SCAI: variants seen among roughly 807,000 people sequenced by gnomAD.
The protein encoded by SCAI is suppressor of cancer cell invasion.
Under a neutral mutation model 92.2 loss-of-function variants are expected in SCAI, and 24 were observed. The ratio of observed to expected loss-of-function variants is 0.26; its 90% CI spans 0.19 to 0.37. The LOEUF (loss-of-function observed/expected upper bound fraction) is 0.37. Among genes scored for constraint, SCAI ranks in the 10% least tolerant of loss-of-function variants. The probability of loss-of-function intolerance (pLI) is 1.00; values close to 1 mark genes in which losing one functional copy is unlikely to be tolerated. For missense variants in SCAI, 450 were observed against 736.2 expected, an observed-to-expected ratio of 0.61 and a Z score of 4.50; for synonymous variants, 261 against 258.6, an observed-to-expected ratio of 1.01 and a Z score of -0.09.
chr9:124,968,193 G>T, intron 17 of SCAI: 2 of 699,108 alleles, frequency 2.9e-6, no homozygotes, highest in African/African-American at 1.8e-5. Flanking sequence ...AAGCAGGAAT[G>T]AAAAACAAAA....
chr9:124,985,866 T>TAAAAA (rs199869823), intron 14 of SCAI, among the ~76,000 whole-genome samples: 1 of 58,474 alleles, frequency 1.7e-5, no homozygotes, highest in Non-Finnish European at 3.7e-5. Flanking sequence ...TCTGTCTCAA[T>TAAAAA]AAAAAAAAAA....
intron 14 of SCAI, among the ~76,000 whole-genome samples, chr9:124,989,573 C>T (rs1467321967): frequency 6.6e-6 from 1 of 151,730 alleles, no homozygotes; most frequent in Non-Finnish European, 1.5e-5. Flanking sequence ...AAGAGTGAGA[C>T]TGCATCTCAA....
intron 2 of SCAI, among the ~76,000 whole-genome samples, chr9:125,102,814 T>A (rs1276090992): frequency 6.6e-6 from 1 of 152,072 alleles, no homozygotes; most frequent in African/African-American, 2.4e-5. Flanking sequence ...GCCAGGCTGG[T>A]CTTGAATGCT....
chr9:124,958,356 T>C (rs913622341), intron 17 of SCAI, among the ~76,000 whole-genome samples: 2 of 152,184 alleles, frequency 1.3e-5, no homozygotes, highest in Non-Finnish European at 2.9e-5. Flanking sequence ...GTAGTGTATT[T>C]GAGACAAATC....
intron 9 of SCAI, among the ~76,000 whole-genome samples, chr9:125,015,228 C>T (rs1832730371): frequency 6.6e-6 from 1 of 152,038 alleles, no homozygotes; most frequent in South Asian, 2.1e-4. Context: ...AAGAAACTAC[C>T]ATCAGAATGA....
chr9:124,957,631 A>G (rs1370711500), intron 17 of SCAI, among the ~76,000 whole-genome samples: 2 of 149,906 alleles, frequency 1.3e-5, no homozygotes, highest in Admixed American at 1.3e-4. Context: ...CTGCCTCCCA[A>G]AGTGCTGAGA....
intron 9 of SCAI, among the ~76,000 whole-genome samples, chr9:125,016,724 A>G (rs890170252): frequency 6.6e-6 from 1 of 152,200 alleles, no homozygotes; most frequent in Non-Finnish European, 1.5e-5. Flanking sequence ...AAATCCAGAA[A>G]GAAAATCTGA....
At chr9:124,968,649 G>T (rs1588122661) in intron 17 of SCAI, 1 of 1,046,520 alleles carries the variant, frequency 9.6e-7, no homozygotes, top group Non-Finnish European at 1.5e-6. Context: ...TTCATAGGTG[G>T]TCTCATCTAC....
intron 2 of SCAI, among the ~76,000 whole-genome samples, chr9:125,095,885 G>A (rs907023745): frequency 1.3e-5 from 2 of 152,144 alleles, no homozygotes; most frequent in Non-Finnish European, 2.9e-5. Context: ...GCCCTGGGAG[G>A]CTTAAACTGA....
At chr9:125,109,995 T>C (rs1445625767) in intron 2 of SCAI, among the ~76,000 whole-genome samples, 1 of 152,174 alleles carries the variant, frequency 6.6e-6, no homozygotes, top group Non-Finnish European at 1.5e-5. Flanking sequence ...GCCCCAAGCA[T>C]GCTTTAATTT....
At chr9:125,104,876 T>G (rs574868012) in intron 2 of SCAI, among the ~76,000 whole-genome samples, 6 of 148,686 alleles carry the variant, frequency 4.0e-5, no homozygotes, top group Non-Finnish European at 8.9e-5. Flanking sequence ...GAGAATAGCT[T>G]AAACCTGCAA....
At chr9:124,989,181 G>C (rs975223635) in intron 14 of SCAI, among the ~76,000 whole-genome samples, 26 of 152,062 alleles carry the variant, frequency 1.7e-4, no homozygotes, top group African/African-American at 6.3e-4. Context: ...ACGATATTGA[G>C]AAACTGAAAA....
chr9:125,125,734 G>C (rs1178957383), intron 2 of SCAI, among the ~76,000 whole-genome samples: 1 of 150,546 alleles, frequency 6.6e-6, no homozygotes, highest in Non-Finnish European at 1.5e-5. Context: ...AAGGGGCTCA[G>C]GCAGGAGAAT....
intron 15 of SCAI, chr9:124,974,348 T>A (rs568848449): frequency 6.9e-5 from 24 of 350,114 alleles, no homozygotes; most frequent in African/African-American, 5.1e-4. Flanking sequence ...CTTGAGAGGC[T>A]GAAGTGGGAG....
intron 9 of SCAI, among the ~76,000 whole-genome samples, chr9:125,011,547 C>G (rs1832640286): frequency 6.6e-6 from 1 of 152,248 alleles, no homozygotes; most frequent in East Asian, 1.9e-4. Flanking sequence ...AAGACCAAAT[C>G]TACGTCTGAT....
chr9:125,085,023 A>G (rs1236409293), intron 2 of SCAI, among the ~76,000 whole-genome samples: 1 of 152,224 alleles, frequency 6.6e-6, no homozygotes, highest in Non-Finnish European at 1.5e-5. Context: ...AATGAGCACT[A>G]ACTATCCTAT....
intron 3 of SCAI, among the ~76,000 whole-genome samples, chr9:125,031,702 A>G (rs1833077752): frequency 6.6e-6 from 1 of 152,190 alleles, no homozygotes; most frequent in African/African-American, 2.4e-5. Flanking sequence ...AAATACATTT[A>G]TAACTCTTTC....
At chr9:125,103,617 C>T (rs559253643) in intron 2 of SCAI, among the ~76,000 whole-genome samples, 9 of 152,190 alleles carry the variant, frequency 5.9e-5, no homozygotes, top group Non-Finnish European at 8.8e-5. Context: ...TCAGGTTAAA[C>T]AACTTTCTTA....
intron 9 of SCAI, among the ~76,000 whole-genome samples, chr9:125,018,132 T>C (rs1253043173): frequency 1.3e-5 from 2 of 152,086 alleles, no homozygotes; most frequent in African/African-American, 4.8e-5. Flanking sequence ...TCTCGCTCTG[T>C]CACCCAGGCT....
Sources: gnomAD v4.1 joint callset for allele counts (sites outside exome capture counted in the v4.1 genomes callset) on GRCh38, gnomAD v4.1.1 for gene constraint, MANE v1.5 for transcripts, NCBI Gene and HGNC (gene_info 2026-07-23, HGNC 2026-07-21) for gene names.